The following CNKSR3 variants were observed in gnomAD, a reference collection of about 807,000 sequenced individuals.
CNKSR3 encodes the protein connector enhancer of kinase suppressor of ras 3.
In CNKSR3, 36 loss-of-function variants were observed where a neutral mutation model predicts 67.7. The ratio of observed to expected loss-of-function variants is 0.53; its 90% CI spans 0.41 to 0.70. The LOEUF is 0.70. Ranked by LOEUF, CNKSR3 falls within the 30% of genes least tolerant of loss-of-function variation. The pLI is 0.00. For missense variants in CNKSR3, 630 were observed against 695.2 expected (o/e 0.91, Z 1.05); for synonymous variants, 281 against 271.4 (o/e 1.04, Z -0.35).
intron 6 of CNKSR3, among the ~76,000 whole-genome samples, chr6:154,429,530 T>C (rs773640986): frequency 2.1e-4 from 32 of 152,222 alleles, no homozygotes; most frequent in East Asian, 1.9e-4. Context: ...AAGTCCTCCC[T>C]GTTTAAACTT....
chr6:154,500,814 AG>A (rs1582906333), intron 1 of CNKSR3, among the ~76,000 whole-genome samples: 1 of 152,202 alleles, frequency 6.6e-6, no homozygotes, highest in Admixed American at 6.5e-5. Flanking sequence ...TCGCATTCTA[AG>A]GAACTGCTTT....
Position 154,397,984 on chromosome 6 carries a change from C to CT in CNKSR3, c.*8369dup, listed in dbSNP as rs1784678811. 1 of 152,336 alleles carries CT rather than the reference C, an allele frequency of 6.6e-6. No homozygotes were observed. Among genetic ancestry groups the CT allele is most frequent in the South Asian group, 2.1e-4 (1 of 4,834 alleles). 9.4% of individuals were successfully genotyped at this position (152,336 alleles called of 1,614,324 possible). On this transcript the variant is annotated 3_prime_UTR_variant, in exon 13 of 13. Coordinates refer to ENST00000607772, the MANE Select transcript of CNKSR3 (RefSeq NM_173515.4). ...GACAAAGGAAGAAAAAGTATGGTCTCTGTCCTCAGGGCATTGCAACCCATT... is the reference window on the plus strand; with the variant it reads ...GACAAAGGAAGAAAAAGTATGGTCTCTTGTCCTCAGGGCATTGCAACCCATT...
At chr6:154,412,414 C>G (rs993485494) in intron 10 of CNKSR3, among the ~76,000 whole-genome samples, 1 of 152,172 alleles carries the variant, frequency 6.6e-6, no homozygotes, top group Non-Finnish European at 1.5e-5. Context: ...TTATCTCTCA[C>G]TATGTACACA....
chr6:154,431,604 C>T (rs571982517), intron 5 of CNKSR3, among the ~76,000 whole-genome samples: 46 of 152,090 alleles, frequency 3.0e-4, no homozygotes, highest in Non-Finnish European at 5.9e-4. Context: ...ATTACAGTAT[C>T]ATATAGGATA....
intron 1 of CNKSR3, among the ~76,000 whole-genome samples, chr6:154,493,741 C>T (rs1786825426): frequency 1.3e-5 from 2 of 152,058 alleles, no homozygotes; most frequent in South Asian, 2.1e-4. Context: ...GGGAGGCAGG[C>T]ACACATGGCA....
At chr6:154,498,942 G>A (rs908968186) in intron 1 of CNKSR3, among the ~76,000 whole-genome samples, 1 of 152,154 alleles carries the variant, frequency 6.6e-6, no homozygotes, top group Non-Finnish European at 1.5e-5. Flanking sequence ...TGGAGGGGAG[G>A]GGGTTACATT....
chr6:154,478,142 T>G (rs1444374003), intron 1 of CNKSR3, among the ~76,000 whole-genome samples: 1 of 152,138 alleles, frequency 6.6e-6, no homozygotes, highest in Admixed American at 6.5e-5. Context: ...CATGACCATA[T>G]GACAAGCAAA....
intron 9 of CNKSR3, among the ~76,000 whole-genome samples, chr6:154,421,471 A>G (rs1304265961): frequency 6.6e-6 from 1 of 152,212 alleles, no homozygotes; most frequent in East Asian, 1.9e-4. Context: ...CATAATCTCA[A>G]TCTTATAAAA....
chr6:154,407,202 T>G (rs1784813998), intron 12 of CNKSR3, among the ~76,000 whole-genome samples: 1 of 152,110 alleles, frequency 6.6e-6, no homozygotes, highest in Middle Eastern at 3.2e-3. Flanking sequence ...TCTCCTTTAG[T>G]GGGTGGGGAC....
chr6:154,448,434 C>CAAAAAAAAAA (rs56872694), intron 2 of CNKSR3, among the ~76,000 whole-genome samples: 1 of 121,764 alleles, frequency 8.2e-6, no homozygotes, highest in Non-Finnish European at 1.7e-5. Context: ...CACGTTTGTA[C>CAAAAAAAAAA]AAAAAAAAAA....
In CNKSR3 at chr6:154,395,387, A is replaced by T. The variant is rs1784650935; in HGVS notation, c.*10967T>A. 1 of 152,086 alleles carries T rather than the reference A, an allele frequency of 6.6e-6. No homozygotes were observed. The highest frequency in any genetic ancestry group is 1.5e-5 in the Non-Finnish European group (1 of 67,994). 9.4% of individuals were successfully genotyped at this position (152,086 alleles called of 1,614,324 possible). ...TACAAAGGAGACTCTGTATTTAACC[A>T]CCCAGGATCTCTTTATTTTAATTTG... On this transcript the variant is annotated 3_prime_UTR_variant, in exon 13 of 13. Coordinates refer to ENST00000607772, the MANE Select transcript of CNKSR3 (RefSeq NM_173515.4).
Position 154,510,504 on chromosome 6 carries a change from C to A in CNKSR3, c.-390G>T, listed in dbSNP as rs1204788533. The A allele has an allele frequency of 2.6e-5, 6 of 230,644 alleles. No individual in the cohort carries two copies. The highest frequency in any genetic ancestry group is 5.0e-5 in the Non-Finnish European group (6 of 118,882). The allele number at this position is 230,644 out of a possible 1,614,324, so 14.3% of individuals were successfully genotyped here. On this transcript the variant is annotated 5_prime_UTR_variant, in exon 1 of 13. Coordinates refer to ENST00000607772, the MANE Select transcript of CNKSR3 (RefSeq NM_173515.4). ...TCTCGAGGCGCGATCGGCTCTCCCT[C>A]GGCCGGTCTTCTCGCCTGCTGGCTC...
intron 1 of CNKSR3, among the ~76,000 whole-genome samples, chr6:154,493,955 C>G (rs537340952): frequency 6.6e-6 from 1 of 152,198 alleles, no homozygotes; most frequent in African/African-American, 2.4e-5. Flanking sequence ...CCACATCACA[C>G]CCCCTAATGT....
At chr6:154,509,542 C>G (rs1392426309) in intron 1 of CNKSR3, among the ~76,000 whole-genome samples, 1 of 151,172 alleles carries the variant, frequency 6.6e-6, no homozygotes, top group Admixed American at 6.5e-5. Context: ...GCGGCCCTCT[C>G]GCCTTCTCCA....
intron 5 of CNKSR3, among the ~76,000 whole-genome samples, chr6:154,431,160 T>C (rs1267997029): frequency 1.3e-5 from 2 of 152,064 alleles, no homozygotes; most frequent in Non-Finnish European, 2.9e-5. Flanking sequence ...AATGACAAAC[T>C]AGGACGGGCA....
intron 1 of CNKSR3, among the ~76,000 whole-genome samples, chr6:154,470,176 CTACTTTCTT>C (rs1387852373): frequency 8.9e-5 from 12 of 135,500 alleles, no homozygotes; most frequent in East Asian, 2.2e-4. Context: ...AATAAAGAAC[CTACTTTCTT>C]TCCTTTTTTT....
rs1415839201 is a variant in CNKSR3, at chr6:154,389,974, A to G, written c.*16380T>C. On this transcript the variant is annotated 3_prime_UTR_variant, in exon 13 of 13. Coordinates refer to ENST00000607772, the MANE Select transcript of CNKSR3 (RefSeq NM_173515.4). Reference sequence around the variant, plus strand: ...TATTGCTATTCTCCTTTTATAGAAAAATAAACAAACTCAAGTATGCAGAGT... The same window carrying G: ...TATTGCTATTCTCCTTTTATAGAAAGATAAACAAACTCAAGTATGCAGAGT... 1 of 152,232 alleles carries G rather than the reference A, an allele frequency of 6.6e-6. No individual in the cohort carries two copies. The highest frequency in any genetic ancestry group is 1.5e-5 in the Non-Finnish European group (1 of 68,050). The allele number at this position is 152,232 out of a possible 1,614,324, so 9.4% of individuals were successfully genotyped here. A position where few individuals can be genotyped will look rare whatever the true frequency, so the allele number is the denominator to read the frequency against.
chr6:154,403,097 T>C lies in CNKSR3; in HGVS notation c.*3257A>G, dbSNP rs1005140802. On this transcript the variant is annotated 3_prime_UTR_variant, in exon 13 of 13. Coordinates refer to ENST00000607772, the MANE Select transcript of CNKSR3 (RefSeq NM_173515.4). ...AAGCTTCATCATCCATGATTTTCAT[T>C]TGAAGATTGAAAAGTGATGCTATAA... The C allele has an allele frequency of 1.3e-5, 2 of 152,144 alleles. No individual in the cohort carries two copies. The highest frequency in any genetic ancestry group is 2.4e-5 in the African/African-American group (1 of 41,416). The allele number at this position is 152,144 out of a possible 1,614,324, so 9.4% of individuals were successfully genotyped here.
intron 1 of CNKSR3, among the ~76,000 whole-genome samples, chr6:154,488,268 T>C (rs12202842): frequency 0.091 from 13,916 of 152,284 alleles, 783 homozygotes; most frequent in East Asian, 0.18. Flanking sequence ...AACAGATTGA[T>C]TTCACATCAT....
Sources: gnomAD v4.1 joint callset for allele counts (sites outside exome capture counted in the v4.1 genomes callset) on GRCh38, gnomAD v4.1.1 for gene constraint, MANE v1.5 for transcripts, NCBI Gene and HGNC (gene_info 2026-07-23, HGNC 2026-07-21) for gene names.